B3GAT2: variants seen among roughly 807,000 people sequenced by gnomAD.
B3GAT2 encodes the protein galactosylgalactosylxylosylprotein 3-beta-glucuronosyltransferase 2.
Under a neutral mutation model 27.8 loss-of-function variants are expected in B3GAT2, and 26 were observed. The ratio of observed to expected loss-of-function variants is 0.93; its 90% CI spans 0.68 to 1.30. B3GAT2 has a LOEUF of 1.30. Among genes scored for constraint, B3GAT2 ranks in the 50% most tolerant of loss-of-function variants. The probability of loss-of-function intolerance (pLI) is 0.00; values close to 1 mark genes in which losing one functional copy is unlikely to be tolerated. For missense variants in B3GAT2, 458 were observed against 459.0 expected (o/e 1.00, Z 0.02); for synonymous variants, 218 against 195.1 (o/e 1.12, Z -0.98).
intron 1 of B3GAT2, among the ~76,000 whole-genome samples, chr6:70,918,912 T>C (rs1306847512): frequency 6.6e-6 from 1 of 152,198 alleles, no homozygotes; most frequent in Admixed American, 6.5e-5. Context: ...TGTGGTGTTC[T>C]CTGTATTTCC....
chr6:70,894,395 C>A, intron 1 of B3GAT2, 123 bp from the exon 2 acceptor site: 1 of 1,091,300 alleles, frequency 9.2e-7, no homozygotes, highest in Non-Finnish European at 1.3e-6. Flanking sequence ...CTGAAGGTTT[C>A]AAAACAGAAT....
chr6:70,858,268 C>T lies in B3GAT2; in HGVS notation c.*3395G>A, dbSNP rs1300154397. 10 of 702,478 alleles carry T rather than the reference C, an allele frequency of 1.4e-5. No individual in the cohort carries two copies. Among genetic ancestry groups the T allele is most frequent in the Non-Finnish European group, 2.3e-5 (10 of 441,862 alleles). 43.5% of individuals were successfully genotyped at this position (702,478 alleles called of 1,614,324 possible). ...ACTTTCTAGCTTCTCCCAAATCAAA[C>T]CAGATTTATTTTCTAAATCTTTTTT... is the stretch of plus-strand genomic sequence containing the variant. On this transcript the variant is annotated 3_prime_UTR_variant, in exon 4 of 4. Transcript: ENST00000230053.
intron 1 of B3GAT2, among the ~76,000 whole-genome samples, chr6:70,952,326 GT>G (rs879483081): frequency 5.7e-4 from 83 of 146,854 alleles, no homozygotes; most frequent in African/African-American, 1.1e-3. Context: ...AATTTCTAAA[GT>G]TTTTTTTTTT....
intron 2 of B3GAT2, among the ~76,000 whole-genome samples, chr6:70,883,563 AG>A (rs1772132894): frequency 6.6e-6 from 1 of 151,892 alleles, no homozygotes; most frequent in Admixed American, 6.6e-5. Context: ...CCAGGGGCTG[AG>A]GGGAGGGGCA....
chr6:70,860,263 C>T lies in B3GAT2; in HGVS notation c.*1400G>A, dbSNP rs1461932353. 1.9e-6 allele frequency: 3 copies of T among 1,613,562 alleles called. No homozygotes were observed. In the African/African-American group the frequency reaches 4.0e-5, roughly 22 times the overall value. On this transcript the variant is annotated 3_prime_UTR_variant, in exon 4 of 4. Transcript: ENST00000230053. ...AACCCCTACTGCAGGTTTTGGCCAG[C>T]CCTCCAGCACAACAGCAGGATGGTC... is the stretch of plus-strand genomic sequence containing the variant.
chr6:70,910,784 T>A (rs778130318), intron 1 of B3GAT2, among the ~76,000 whole-genome samples: 2 of 152,206 alleles, frequency 1.3e-5, no homozygotes, highest in Non-Finnish European at 2.9e-5. Context: ...TAATTTACAT[T>A]TCCACCAGCA....
chr6:70,913,724 T>G (rs919315760), intron 1 of B3GAT2, among the ~76,000 whole-genome samples: 1 of 152,202 alleles, frequency 6.6e-6, no homozygotes. Context: ...GTCCATTTAG[T>G]CAAATACTGA....
Position 70,860,800 on chromosome 6 carries a change from T to C in B3GAT2, c.*863A>G, listed in dbSNP as rs543546225. On this transcript the variant is annotated 3_prime_UTR_variant, in exon 4 of 4. Coordinates refer to ENST00000230053, the MANE Select transcript of B3GAT2 (RefSeq NM_080742.3). ...TCTCACTGAGCACTGTTTTCTAGTG[T>C]ATCAAAATGCTCTTATTTCATCATT... 5.3e-5 allele frequency: 21 copies of C among 398,460 alleles called. No homozygotes were observed. In the South Asian group the frequency reaches 6.4e-4, roughly 12 times the overall value. 24.7% of individuals were successfully genotyped at this position (398,460 alleles called of 1,614,324 possible).
At chr6:70,902,344 A>C (rs916690640) in intron 1 of B3GAT2, among the ~76,000 whole-genome samples, 2 of 152,146 alleles carry the variant, frequency 1.3e-5, no homozygotes, top group African/African-American at 4.8e-5. Context: ...TAAAAAAAAA[A>C]AGTAGATGTG....
intron 1 of B3GAT2, among the ~76,000 whole-genome samples, chr6:70,945,252 G>A (rs968743778): frequency 9.2e-5 from 14 of 152,178 alleles, no homozygotes; most frequent in Non-Finnish European, 2.1e-4. Context: ...AGAGAAGAAG[G>A]CTTCAGACGT....
At chr6:70,914,579 T>C (rs1231918165) in intron 1 of B3GAT2, among the ~76,000 whole-genome samples, 1 of 152,210 alleles carries the variant, frequency 6.6e-6, no homozygotes, top group Non-Finnish European at 1.5e-5. Context: ...AAGCATTGAT[T>C]GTAGATTTTG....
chr6:70,861,819 G>T lies in B3GAT2; in HGVS notation c.885+11C>A. 2 of 1,614,042 alleles carry T rather than the reference G, an allele frequency of 1.2e-6. No individual in the cohort carries two copies. Among genetic ancestry groups the T allele is most frequent in the Non-Finnish European group, 1.7e-6 (2 of 1,179,966 alleles). Reference sequence around the variant, plus strand: ...ACACTCGAGGTCGGGCAGCACAAGTGTAATGAATACCTTAGTGCAGTTATT... The same window carrying T: ...ACACTCGAGGTCGGGCAGCACAAGTTTAATGAATACCTTAGTGCAGTTATT... On this transcript the variant is annotated intron_variant, in intron 3 of 3. Transcript: ENST00000230053.
rs1491352729 is a variant in B3GAT2, at chr6:70,857,375, T to TTGAG, written c.*4284_*4287dup. Reference sequence around the variant, plus strand: ...GTATTTTCTCTGCAGGTAAACAGTCTTGAGTTACCACATGGATTAAAAAAA... The same window carrying TTGAG: ...GTATTTTCTCTGCAGGTAAACAGTCTTGAGTGAGTTACCACATGGATTAAAAAAA... On this transcript the variant is annotated 3_prime_UTR_variant, in exon 4 of 4. Transcript: ENST00000230053. 2 of 181,556 alleles carry TTGAG rather than the reference T, an allele frequency of 1.1e-5. No homozygotes were observed. Among genetic ancestry groups the TTGAG allele is most frequent in the Non-Finnish European group, 2.3e-5 (2 of 87,206 alleles). 11.2% of individuals were successfully genotyped at this position (181,556 alleles called of 1,614,324 possible).
chr6:70,868,223 G>A (rs976503078), intron 2 of B3GAT2, among the ~76,000 whole-genome samples: 20 of 152,170 alleles, frequency 1.3e-4, no homozygotes, highest in African/African-American at 4.8e-4. Context: ...GTGAAAGACT[G>A]AGTGTTAAAT....
chr6:70,935,405 G>C (rs1411036277), intron 1 of B3GAT2, among the ~76,000 whole-genome samples: 1 of 152,068 alleles, frequency 6.6e-6, no homozygotes, highest in Non-Finnish European at 1.5e-5. Context: ...AGTAAGCTGT[G>C]ATCGCACCAC....
intron 2 of B3GAT2, among the ~76,000 whole-genome samples, chr6:70,867,636 G>A (rs148229040): frequency 6.6e-6 from 1 of 152,054 alleles, no homozygotes; most frequent in Non-Finnish European, 1.5e-5. Flanking sequence ...ATGTGAAATA[G>A]CCCTGTATCA....
chr6:70,898,868 C>T (rs538220262), intron 1 of B3GAT2, among the ~76,000 whole-genome samples: 54 of 151,872 alleles, frequency 3.6e-4, no homozygotes, highest in South Asian at 2.5e-3. Flanking sequence ...GAGGCTGAGG[C>T]GGGAGGATTG....
intron 2 of B3GAT2, 147 bp from the exon 3 acceptor site, chr6:70,862,125 C>T (rs1188128864): frequency 5.8e-6 from 4 of 692,338 alleles, no homozygotes; most frequent in South Asian, 2.0e-5. Flanking sequence ...AGGAACATTA[C>T]CTGTATTACA....
intron 1 of B3GAT2, among the ~76,000 whole-genome samples, chr6:70,923,141 G>T (rs1423783073): frequency 6.6e-6 from 1 of 152,166 alleles, no homozygotes; most frequent in Admixed American, 6.5e-5. Context: ...CTGCTCAGAG[G>T]ATGTGATTCT....
Sources: allele counts gnomAD v4.1 joint callset (sites outside exome capture counted in the v4.1 genomes callset), GRCh38; gene constraint gnomAD v4.1.1; transcripts MANE v1.5; gene names NCBI Gene and HGNC (gene_info 2026-07-23, HGNC 2026-07-21).